NCSTN: variants seen among roughly 807,000 people sequenced by gnomAD.
NCSTN encodes the protein anterior pharynx-defective 2.
A neutral mutation model predicts 87.0 loss-of-function variants in NCSTN; 22 were observed. The observed-to-expected ratio is 0.25, with a 90% CI of 0.18 to 0.36. The LOEUF is 0.36. Among genes scored for constraint, NCSTN ranks in the 10% least tolerant of loss-of-function variants. The pLI, the probability that NCSTN is intolerant of heterozygous loss-of-function variation, is 1.00. For missense variants in NCSTN, 693 were observed against 883.3 expected, an observed-to-expected ratio of 0.78 and a Z score of 2.73; for synonymous variants, 306 against 327.1, an observed-to-expected ratio of 0.94 and a Z score of 0.69.
chr1:160,354,187 A>C lies in NCSTN; in HGVS notation c.1249A>C (p.Asn417His), dbSNP rs143039637. 1.9e-6 allele frequency: 3 copies of C among 1,613,962 alleles called. No homozygotes were observed. The highest frequency in any genetic ancestry group is 2.5e-6 in the Non-Finnish European group (3 of 1,179,990). Reference sequence around the variant, plus strand: ...CCCTGCTGTCATCCTCAGGAGGCCAAATCAGTCCCAGCCTCTCCCACCATC... The same window carrying C: ...CCCTGCTGTCATCCTCAGGAGGCCACATCAGTCCCAGCCTCTCCCACCATC... ...GVPAVILRRP[N>H]QSQPLPPSSL... The change falls in exon 11 of 17, where the codon AAT becomes CAT. Residue 417 changes from asparagine (N) to histidine (H), a missense_variant. Physicochemically the swap from Asn to His is moderately conservative, Grantham distance 68 (BLOSUM62 1). This residue lies in a region of NCSTN where 108 missense variants were observed against 111.6 expected (regional missense o/e 0.97). Transcript: ENST00000294785.
At chr1:160,348,182 T>C (rs1648618475) in intron 2 of NCSTN, among the ~76,000 whole-genome samples, 1 of 152,100 alleles carries the variant, frequency 6.6e-6, no homozygotes, top group Middle Eastern at 3.2e-3. Flanking sequence ...ACTTAAGGAG[T>C]ATTACCTAAT....
intron 8 of NCSTN, among the ~76,000 whole-genome samples, 175 bp downstream of exon 8, chr1:160,352,381 G>A (rs1015585206): frequency 2.0e-5 from 3 of 152,198 alleles, no homozygotes; most frequent in African/African-American, 7.2e-5. Flanking sequence ...AGGAAGCTTA[G>A]ATTCCTTCTT....
chr1:160,356,356 CT>C lies in NCSTN; in HGVS notation c.1639+10del, dbSNP rs1348445248. On this transcript the variant is annotated intron_variant, in intron 14 of 16. Transcript: ENST00000294785. ...CCTAAGGTCCTACTTGGGTAAGCAT[CT>C]GGTGTGGGAATGGGACCCTTAGCTG... 2 of 1,594,558 alleles carry C rather than the reference CT, an allele frequency of 1.3e-6. No individual in the cohort carries two copies. The highest frequency in any genetic ancestry group is 1.7e-6 in the Non-Finnish European group (2 of 1,162,092).
At chr1:160,356,883 G>A (rs1649158418) in intron 15 of NCSTN, 129 bp downstream of exon 15, 3 of 1,419,844 alleles carry the variant, frequency 2.1e-6, no homozygotes, top group Non-Finnish European at 2.9e-6. Flanking sequence ...CTCAGCAATT[G>A]GGTGTTGAAA....
At chr1:160,351,965 C>T (rs1648873608) in intron 7 of NCSTN, 89 bp from the exon 8 acceptor site, 5 of 1,546,352 alleles carry the variant, frequency 3.2e-6, no homozygotes, top group South Asian at 1.1e-5. Context: ...TGCCACAGGA[C>T]AGGTATATTC....
At chr1:160,354,064 T>G in intron 10 of NCSTN, 54 bp from the exon 11 acceptor site, 1 of 1,573,262 alleles carries the variant, frequency 6.4e-7, no homozygotes, top group African/African-American at 1.4e-5. Context: ...AAAAGAGACC[T>G]CCTGCTTCCC....
chr1:160,346,788 G>A (rs760889502), intron 2 of NCSTN, among the ~76,000 whole-genome samples: 1 of 152,102 alleles, frequency 6.6e-6, no homozygotes, highest in Non-Finnish European at 1.5e-5. Flanking sequence ...TGTATCTTTA[G>A]TAGAGGCGGG....
intron 2 of NCSTN, chr1:160,345,056 C>G: frequency 1.7e-6 from 1 of 603,342 alleles, no homozygotes; most frequent in Non-Finnish European, 3.0e-6. Flanking sequence ...CCAACCACAA[C>G]CCCACAAAAT....
At position 160,356,720 on chromosome 1, in the gene NCSTN, A is replaced by G. The variant is rs765188838; in HGVS notation, c.1760A>G (p.Gln587Arg). 3 of 1,614,250 alleles carry G rather than the reference A, an allele frequency of 1.9e-6. No individual in the cohort carries two copies. Among genetic ancestry groups the G allele is most frequent in the East Asian group, 2.2e-5 (1 of 44,878 alleles). Residue 587 changes from glutamine (Q) to arginine (R), a missense_variant, in exon 15 of 17, where the codon CAG (glutamine) becomes CGG (arginine). By Grantham distance (43) the Gln-to-Arg change is conservative. Coordinates refer to ENST00000294785, the MANE Select transcript of NCSTN (RefSeq NM_015331.3). ...GTCAACCTCACCCGAGAGCAGTGCC[A>G]GGATCCAAGTAAAGTCCCAAGTGAA... The part of the protein sequence containing the change: ...TVVNLTREQC[Q>R]DPSKVPSENK...
At chr1:160,358,043 G>A (rs147811597) in intron 16 of NCSTN, 106 bp from the exon 17 acceptor site, 986 of 1,455,246 alleles carry the variant, frequency 6.8e-4, no homozygotes, top group Non-Finnish European at 8.7e-4. Context: ...GGTGCTTAGA[G>A]CCAGCATCCG....
At chr1:160,355,052 A>C (rs1483995862) in intron 11 of NCSTN, among the ~76,000 whole-genome samples, 1 of 152,190 alleles carries the variant, frequency 6.6e-6, no homozygotes, top group Non-Finnish European at 1.5e-5. Context: ...GTGAAGATTC[A>C]TCATTTGAAC....
chr1:160,346,262 A>T (rs73029441), intron 2 of NCSTN, among the ~76,000 whole-genome samples: 2 of 152,222 alleles, frequency 1.3e-5, no homozygotes, highest in Non-Finnish European at 2.9e-5. Context: ...TCATCATCAA[A>T]TTGATCACCT....
intron 11 of NCSTN, 75 bp from the exon 12 acceptor site, chr1:160,355,580 A>G (rs904455915): frequency 3.9e-6 from 4 of 1,038,842 alleles, no homozygotes; most frequent in Non-Finnish European, 6.1e-6. Flanking sequence ...GTCCCTGCAT[A>G]AGGAGCATTT....
intron 1 of NCSTN, chr1:160,343,764 C>G (rs773684044): frequency 3.0e-6 from 2 of 665,678 alleles, no homozygotes; most frequent in South Asian, 3.0e-5. Context: ...TCGTTTTTCC[C>G]ACAACCCCAG....
chr1:160,358,085 T>C lies in NCSTN; in HGVS notation c.2008-64T>C, dbSNP rs956259377. ...CATGGCTCCAAACCCCAAACAGTTA[T>C]CCAAAAAACTGCACTGAGTTCTGAG... is the stretch of plus-strand genomic sequence containing the variant. On this transcript the variant is annotated intron_variant, in intron 16 of 16. Transcript: ENST00000294785. 5.0e-6 allele frequency: 8 copies of C among 1,612,686 alleles called. No individual in the cohort carries two copies. In the African/African-American group the frequency reaches 6.7e-5, roughly 13 times the overall value.
At chr1:160,358,075 C>T (rs41266887) in intron 16 of NCSTN, 74 bp from the exon 17 acceptor site, 31,053 of 1,609,372 alleles carry the variant, frequency 0.019, 540 homozygotes, top group East Asian at 0.069. Context: ...CTCCAAACCC[C>T]AAACAGTTAT....
Position 160,352,210 on chromosome 1 carries a change from A to G in NCSTN, c.996+4A>G. The stretch of plus-strand genomic sequence containing the variant: ...CATGTTTGTCTTCTTTCAAGGGGTA[A>G]GGGCTCTTTGGCTGGGGTGCAATGG... On this transcript the variant is annotated splice_donor_region_variant and intron_variant, in intron 8 of 16. Transcript: ENST00000294785. The G allele has an allele frequency of 6.2e-7, 1 of 1,614,030 alleles. No homozygotes were observed. Among genetic ancestry groups the G allele is most frequent in the Non-Finnish European group, 8.5e-7 (1 of 1,179,928 alleles).
Position 160,352,144 on chromosome 1 carries a change from T to C in NCSTN, c.934T>C (p.Leu312=). ...CACCCAGCTGGCTGCTGCTGAAGCT[T>C]TGCAAAAGGCACCTGATGTGACCAC... ...FVTQLAAAEA[L]QKAPDVTTLP... Residue 312 remains leucine, a synonymous_variant, in exon 8 of 17, where the codon TTG becomes CTG. Coordinates refer to ENST00000294785, the MANE Select transcript of NCSTN (RefSeq NM_015331.3). 6.2e-7 allele frequency: 1 copy of C among 1,614,228 alleles called. No homozygotes were observed. Among genetic ancestry groups the C allele is most frequent in the Non-Finnish European group, 8.5e-7 (1 of 1,180,028 alleles).
At chr1:160,356,394 A>G in intron 14 of NCSTN, 47 bp downstream of exon 14, 1 of 1,514,660 alleles carries the variant, frequency 6.6e-7, no homozygotes, top group Non-Finnish European at 9.2e-7. Flanking sequence ...GGAAAGGGAT[A>G]GAGAAAAAGT....
Sources: allele counts gnomAD v4.1 joint callset (sites outside exome capture counted in the v4.1 genomes callset), GRCh38; gene constraint gnomAD v4.1.1; regional missense constraint gnomAD v4.1.1; transcripts MANE v1.5; gene names NCBI Gene and HGNC (gene_info 2026-07-23, HGNC 2026-07-21).